The following FSD1L variants were observed in gnomAD, a reference collection of about 807,000 sequenced individuals.
FSD1L encodes the protein fibronectin type III and SPRY domain containing 1 like.
Under a neutral mutation model 71.6 loss-of-function variants are expected in FSD1L, and 45 were observed. The observed-to-expected ratio is 0.63, with a 90% CI of 0.49 to 0.81. FSD1L has a LOEUF of 0.81. FSD1L is among the 30% of genes least tolerant of loss of function. FSD1L has a pLI of 0.00. For missense variants in FSD1L, 561 were observed against 618.1 expected (o/e 0.91, Z 0.98); for synonymous variants, 197 against 207.2 (o/e 0.95, Z 0.42).
intron 7 of FSD1L, among the ~76,000 whole-genome samples, chr9:105,485,059 A>G (rs1832446617): frequency 6.6e-6 from 1 of 152,246 alleles, no homozygotes; most frequent in African/African-American, 2.4e-5. Context: ...AAGTATTAAC[A>G]TGAGGATATT....
intron 10 of FSD1L, among the ~76,000 whole-genome samples, chr9:105,519,121 G>C (rs1384396634): frequency 1.3e-5 from 2 of 152,152 alleles, no homozygotes; most frequent in East Asian, 1.9e-4. Flanking sequence ...TCGAATCCCT[G>C]AATAGACCAA....
In FSD1L at chr9:105,550,973, A is replaced by T. The variant is rs556666711; in HGVS notation, c.*4490A>T. On this transcript the variant is annotated 3_prime_UTR_variant, in exon 14 of 14. Coordinates refer to ENST00000481272, the MANE Select transcript of FSD1L (RefSeq NM_001145313.3). ...AGTATGTAGAGCAGAAGGCACGTGA[A>T]TGTGTTTGCTTTGGCTTGGAGCTTA... 1.3e-5 allele frequency: 2 copies of T among 152,236 alleles called. No homozygotes were observed. The highest frequency in any genetic ancestry group is 4.8e-5 in the African/African-American group (2 of 41,570). The allele number at this position is 152,236 out of a possible 1,614,324, so 9.4% of individuals were successfully genotyped here. A position where few individuals can be genotyped will look rare whatever the true frequency, so the allele number is the denominator to read the frequency against.
chr9:105,541,810 C>T (rs567655071), intron 13 of FSD1L, among the ~76,000 whole-genome samples: 2 of 152,138 alleles, frequency 1.3e-5, no homozygotes, highest in Non-Finnish European at 2.9e-5. Flanking sequence ...CACAACCAGC[C>T]CTAGCTATCA....
At chr9:105,492,780 G>A (rs1833047564) in intron 7 of FSD1L, among the ~76,000 whole-genome samples, 1 of 152,122 alleles carries the variant, frequency 6.6e-6, no homozygotes, top group Non-Finnish European at 1.5e-5. Context: ...TCAGGAGCAG[G>A]TTGTTCAGTT....
At chr9:105,517,088 C>T (rs1834774267) in intron 10 of FSD1L, among the ~76,000 whole-genome samples, 1 of 151,892 alleles carries the variant, frequency 6.6e-6, no homozygotes, top group East Asian at 1.9e-4. Flanking sequence ...CATTGAAGAT[C>T]AACTTAATGA....
At chr9:105,468,569 A>G (rs1424411892) in intron 4 of FSD1L, among the ~76,000 whole-genome samples, 1 of 149,124 alleles carries the variant, frequency 6.7e-6, no homozygotes, top group Non-Finnish European at 1.5e-5. Context: ...ATCTTGGTTC[A>G]TTGCAACCTC....
chr9:105,462,064 T>C (rs530063371), intron 2 of FSD1L, among the ~76,000 whole-genome samples: 1 of 152,184 alleles, frequency 6.6e-6, no homozygotes, highest in African/African-American at 2.4e-5. Context: ...ATTTCTGAAA[T>C]GCAAAGCTTG....
chr9:105,520,627 G>C, intron 10 of FSD1L: 2 of 1,605,088 alleles, frequency 1.2e-6, no homozygotes, highest in Non-Finnish European at 1.7e-6. Flanking sequence ...TTAAAGATTA[G>C]GCGGGAAGGT....
At chr9:105,513,259 C>T (rs565954590) in intron 10 of FSD1L, among the ~76,000 whole-genome samples, 35 of 152,176 alleles carry the variant, frequency 2.3e-4, no homozygotes, top group African/African-American at 8.2e-4. Flanking sequence ...TTATAGATCA[C>T]CTATCTTACC....
intron 5 of FSD1L, among the ~76,000 whole-genome samples, chr9:105,477,374 G>A (rs988765741): frequency 2.7e-4 from 41 of 152,286 alleles, no homozygotes; most frequent in African/African-American, 9.6e-4. Flanking sequence ...CCTAGAATTA[G>A]ACAGACAAAT....
At chr9:105,491,424 T>C (rs1014289881) in intron 7 of FSD1L, among the ~76,000 whole-genome samples, 5 of 152,134 alleles carry the variant, frequency 3.3e-5, no homozygotes, top group African/African-American at 9.7e-5. Context: ...TTCCTAGATA[T>C]ACAATCATGT....
At chr9:105,526,448 G>T in intron 10 of FSD1L, 1 of 1,612,880 alleles carries the variant, frequency 6.2e-7, no homozygotes. Context: ...GGCTGACCTG[G>T]CCTCTCCAAT....
Position 105,534,539 on chromosome 9 carries a change from C to CCAG in FSD1L, c.1076_1078dup (p.Ala359dup). ...ACGAACATCTGTAGGCTCCAGGCCA[C>CCAG]CAGCAGTAAGAGGCAGTAGAGATCG... On this transcript the variant is annotated inframe_insertion, in exon 11 of 14. Transcript: ENST00000481272. 6.4e-7 allele frequency: 1 copy of CCAG among 1,551,128 alleles called. No homozygotes were observed. The highest frequency in any genetic ancestry group is 8.7e-7 in the Non-Finnish European group (1 of 1,146,332).
chr9:105,520,444 A>G lies in FSD1L; in HGVS notation c.1025+7508A>G, dbSNP rs938843796. On this transcript the variant is annotated intron_variant, in intron 10 of 13. Transcript: ENST00000481272. ...CTATGTGTTCTTTGAAAATTTTGTG[A>G]CTATCGAAGCTAGTCTTAAACAGAA... 5 of 1,058,928 alleles carry G rather than the reference A, an allele frequency of 4.7e-6. No homozygotes were observed. The African/African-American group carries it at 7.7e-5, about 16-fold the overall frequency. The allele number at this position is 1,058,928 out of a possible 1,614,324, so 65.6% of individuals were successfully genotyped here.
rs371254328 is a variant in FSD1L, at chr9:105,479,391, A to G, written c.464+15A>G. On this transcript the variant is annotated intron_variant, in intron 6 of 13. Coordinates refer to ENST00000481272, the MANE Select transcript of FSD1L (RefSeq NM_001145313.3). ...ATCAAGGATAGGTATGGTATAAAAC[A>G]CATTTTTACTTAAGTATAAATATTG... The G allele has an allele frequency of 3.2e-4, 496 of 1,537,262 alleles. No individual in the cohort carries two copies. The highest frequency in any genetic ancestry group is 4.0e-4 in the Non-Finnish European group (458 of 1,137,030).
chr9:105,448,531 A>C (rs774264857), intron 1 of FSD1L, among the ~76,000 whole-genome samples: 1 of 152,210 alleles, frequency 6.6e-6, no homozygotes, highest in African/African-American at 2.4e-5. Flanking sequence ...GCCACTCTGC[A>C]GCGCTTTAGG....
rs1834473974 is a variant in FSD1L, at chr9:105,512,847, C to A, written c.936C>A (p.Asn312Lys). 1.3e-6 allele frequency: 2 copies of A among 1,538,188 alleles called. No homozygotes were observed. The highest frequency in any genetic ancestry group is 1.8e-6 in the Non-Finnish European group (2 of 1,138,954). Residue 312 changes from asparagine (N) to lysine (K), a missense_variant, in exon 10 of 14, where the codon AAC becomes AAA. Asn to Lys is a moderately conservative substitution (Grantham distance 94). Transcript: ENST00000481272. ...TGGATAACTCCTCATCCCATTTGAA[C>A]CTGAAAGTTGAAGATACATGTGTAG... ...FNLDNSSSHLNLKVEDTCVEW... is the reference protein window; with the variant it reads ...FNLDNSSSHLKLKVEDTCVEW...
intron 3 of FSD1L, among the ~76,000 whole-genome samples, chr9:105,465,180 A>G (rs998900009): frequency 1.3e-5 from 2 of 152,246 alleles, no homozygotes; most frequent in Non-Finnish European, 2.9e-5. Context: ...TGGTTGCTAG[A>G]AATGTACAAT....
chr9:105,448,890 A>G (rs947207905), intron 1 of FSD1L, among the ~76,000 whole-genome samples: 2 of 152,116 alleles, frequency 1.3e-5, no homozygotes, highest in Non-Finnish European at 2.9e-5. Flanking sequence ...AATGTTTTAT[A>G]CTTTCCGAAC....
Sources: allele counts gnomAD v4.1 joint callset (sites outside exome capture counted in the v4.1 genomes callset), GRCh38; gene constraint gnomAD v4.1.1; transcripts MANE v1.5; gene names NCBI Gene and HGNC (gene_info 2026-07-23, HGNC 2026-07-21).